The following INTS2 variants were observed in gnomAD, a reference collection of about 807,000 sequenced individuals.
INTS2 encodes the protein integrator complex subunit 2.
A neutral mutation model predicts 139.6 loss-of-function variants in INTS2; 57 were observed. The observed-to-expected ratio is 0.41, with a 90% CI of 0.33 to 0.51. The LOEUF (loss-of-function observed/expected upper bound fraction) is 0.51. Among genes scored for constraint, INTS2 ranks in the 20% least tolerant of loss-of-function variants. INTS2 has a pLI of 0.28. For missense variants in INTS2, 1,196 were observed against 1,436.7 expected, an observed-to-expected ratio of 0.83 and a Z score of 2.71; for synonymous variants, 473 against 493.4, an observed-to-expected ratio of 0.96 and a Z score of 0.55.
rs968086780 is a variant in INTS2, at chr17:61,866,639, T to C, written c.*918A>G. ...TCAAAGATCTTCTCAAAGTAAGATA[T>C]GAATTATAATCCTGATGACAAACCA... On this transcript the variant is annotated 3_prime_UTR_variant, in exon 25 of 25. Coordinates refer to ENST00000251334, the MANE Select transcript of INTS2 (RefSeq NM_001351695.2). 13 of 152,222 alleles carry C rather than the reference T, an allele frequency of 8.5e-5. No individual in the cohort carries two copies. Among genetic ancestry groups the C allele is most frequent in the Non-Finnish European group, 1.9e-4 (13 of 68,046 alleles). The allele number at this position is 152,222 out of a possible 1,614,324, so 9.4% of individuals were successfully genotyped here.
chr17:61,921,614 ATGTT>A (rs2079642035), intron 4 of INTS2, 107 bp downstream of exon 4: 1 of 486,230 alleles, frequency 2.1e-6, no homozygotes, highest in Non-Finnish European at 3.7e-6. Flanking sequence ...ATCACATAAC[ATGTT>A]TGTTATATGA....
chr17:61,924,356 T>C (rs1443865299), intron 3 of INTS2, among the ~76,000 whole-genome samples: 1 of 152,142 alleles, frequency 6.6e-6, no homozygotes, highest in Admixed American at 6.5e-5. Flanking sequence ...ATAAATCCCT[T>C]TCTAAATGTC....
chr17:61,902,645 G>A (rs549133534), intron 9 of INTS2, among the ~76,000 whole-genome samples: 5 of 152,020 alleles, frequency 3.3e-5, no homozygotes, highest in Non-Finnish European at 5.9e-5. Flanking sequence ...AGACTGAGGT[G>A]GGAGGACTGT....
At chr17:61,904,345 G>T in intron 9 of INTS2, 115 bp downstream of exon 9, 3 of 709,638 alleles carry the variant, frequency 4.2e-6, no homozygotes, top group Non-Finnish European at 6.9e-6. Flanking sequence ...ACAAAACTAC[G>T]ACTGTCCATA....
intron 14 of INTS2, 141 bp downstream of exon 14, chr17:61,891,372 A>G (rs1431609477): frequency 1.5e-6 from 1 of 670,488 alleles, no homozygotes; most frequent in African/African-American, 1.8e-5. Context: ...TTTAATTTTT[A>G]GAGGTGATCT....
intron 14 of INTS2, among the ~76,000 whole-genome samples, chr17:61,891,188 G>C (rs940368868): frequency 6.6e-6 from 1 of 151,586 alleles, no homozygotes; most frequent in East Asian, 1.9e-4. Flanking sequence ...CTAGCTACTC[G>C]AGAGACTGAG....
intron 9 of INTS2, among the ~76,000 whole-genome samples, chr17:61,902,933 G>A (rs2079422405): frequency 6.6e-6 from 1 of 150,452 alleles, no homozygotes; most frequent in Non-Finnish European, 1.5e-5. Flanking sequence ...TTGGGAGGCC[G>A]AGGCGGGTGG....
At chr17:61,908,100 T>C (rs2079484821) in intron 7 of INTS2, among the ~76,000 whole-genome samples, 2 of 152,168 alleles carry the variant, frequency 1.3e-5, no homozygotes, top group South Asian at 4.1e-4. Flanking sequence ...ATTTACCTTA[T>C]AGAACTCCTA....
intron 17 of INTS2, among the ~76,000 whole-genome samples, 180 bp from the exon 18 acceptor site, chr17:61,878,268 TA>T (rs2145908542): frequency 6.6e-6 from 1 of 152,182 alleles, no homozygotes; most frequent in South Asian, 2.1e-4. Context: ...CTAAACTTAT[TA>T]AAATAAGGGC....
intron 4 of INTS2, chr17:61,921,086 A>G (rs1353967505): frequency 6.6e-6 from 1 of 152,102 alleles, no homozygotes; most frequent in Non-Finnish European, 1.5e-5. Flanking sequence ...CCTTCTTTAC[A>G]TTTTTCTGTC....
Position 61,893,709 on chromosome 17 carries a change from A to T in INTS2, c.1698+56T>A. 7.7e-7 allele frequency: 1 copy of T among 1,298,670 alleles called. No individual in the cohort carries two copies. The highest frequency in any genetic ancestry group is 1.0e-6 in the Non-Finnish European group (1 of 992,262). 80.4% of individuals were successfully genotyped at this position (1,298,670 alleles called of 1,614,324 possible). A position where few individuals can be genotyped will look rare whatever the true frequency, so the allele number is the denominator to read the frequency against. ...GACTCCATCTCAAAAGAAAAAAAAT[A>T]TATATATAAAAATGTAGGGGCATGC... On this transcript the variant is annotated intron_variant, in intron 13 of 24. Transcript: ENST00000251334. This position sits in a 1 kb window ranked among gnomAD's most constrained non-coding sequence, Gnocchi z 5.4.
Position 61,891,543 on chromosome 17 carries a change from C to T in INTS2, c.1845G>A (p.Glu615=), listed in dbSNP as rs760956576. Residue 615 remains glutamate, a synonymous_variant, in exon 14 of 25, where the codon GAG becomes GAA. Coordinates refer to ENST00000251334, the MANE Select transcript of INTS2 (RefSeq NM_001351695.2). ...EATNQPVTEQ[E]ILNIFQGVIG... is the part of the protein sequence containing the mutation. Reference sequence around the variant, plus strand: ...TGACTCCTTGGAAAATATTGAGTATCTCCTGTTCTGTGACTGGCTGATTTG... The same window carrying T: ...TGACTCCTTGGAAAATATTGAGTATTTCCTGTTCTGTGACTGGCTGATTTG... 3.7e-6 allele frequency: 6 copies of T among 1,613,614 alleles called. No individual in the cohort carries two copies. Among genetic ancestry groups the T allele is most frequent in the Admixed American group, 3.3e-5 (2 of 59,986 alleles).
At chr17:61,923,644 T>C (rs2079675636) in intron 3 of INTS2, among the ~76,000 whole-genome samples, 1 of 152,102 alleles carries the variant, frequency 6.6e-6, no homozygotes, top group Non-Finnish European at 1.5e-5. Context: ...TAACAGTAAA[T>C]AAACATAAAG....
intron 2 of INTS2, 53 bp from the exon 3 acceptor site, chr17:61,925,152 T>A: frequency 6.7e-7 from 1 of 1,496,726 alleles, no homozygotes; most frequent in Non-Finnish European, 9.3e-7. Flanking sequence ...ATGGAAATAA[T>A]TGCATAAAAA....
rs1001633672 is a variant in INTS2, at chr17:61,893,368, T to C, written c.1698+397A>G. On this transcript the variant is annotated intron_variant, in intron 13 of 24. Transcript: ENST00000251334. This position sits in a 1 kb window ranked among gnomAD's most constrained non-coding sequence, Gnocchi z 5.4. Reference sequence around the variant, plus strand: ...AAATGCCTACAAACTGAAATACAACTGGGGAGAAAGCATTAATTTAGGTTG... The same window carrying C: ...AAATGCCTACAAACTGAAATACAACCGGGGAGAAAGCATTAATTTAGGTTG... 1.3e-5 allele frequency among the ~76,000 whole-genome samples: 2 copies of C among 151,924 alleles called. No homozygotes were observed. Among genetic ancestry groups the C allele is most frequent in the African/African-American group, 4.8e-5 (2 of 41,360 alleles).
chr17:61,877,857 C>G (rs1483956155), intron 18 of INTS2, 30 bp downstream of exon 18: 1 of 1,533,406 alleles, frequency 6.5e-7, no homozygotes, highest in East Asian at 2.3e-5. Context: ...ATATAATTAT[C>G]TATTACATGT....
intron 5 of INTS2, among the ~76,000 whole-genome samples, chr17:61,915,511 G>A (rs2079572089): frequency 6.8e-6 from 1 of 147,670 alleles, no homozygotes; most frequent in South Asian, 2.1e-4. Flanking sequence ...GTGAAACAGA[G>A]TGAAACTCTG....
intron 17 of INTS2, among the ~76,000 whole-genome samples, 182 bp downstream of exon 17, chr17:61,880,825 G>A (rs564826164): frequency 2.0e-4 from 29 of 146,552 alleles, no homozygotes; most frequent in African/African-American, 7.3e-4. Flanking sequence ...AAGGAGGAAA[G>A]GGGGGAGGGG....
At position 61,897,646 on chromosome 17, in the gene INTS2, T is replaced by C. The variant is rs1273880063; in HGVS notation, c.1379+22A>G. On this transcript the variant is annotated intron_variant, in intron 10 of 24. Coordinates refer to ENST00000251334, the MANE Select transcript of INTS2 (RefSeq NM_001351695.2). This position sits in a 1 kb window ranked among gnomAD's most constrained non-coding sequence, Gnocchi z 4.4. Reference sequence around the variant, plus strand: ...AGAGAAGAAGAAAAGCTTTCTCAACTAACTAAATCAAATTATCTTACCTCT... The same window carrying C: ...AGAGAAGAAGAAAAGCTTTCTCAACCAACTAAATCAAATTATCTTACCTCT... 3.8e-6 allele frequency: 6 copies of C among 1,590,762 alleles called. No homozygotes were observed. Among genetic ancestry groups the C allele is most frequent in the South Asian group, 3.4e-5 (3 of 87,714 alleles).
Sources: gnomAD v4.1 joint callset for allele counts (sites outside exome capture counted in the v4.1 genomes callset) on GRCh38, gnomAD v4.1.1 for gene constraint, Gnocchi (gnomAD v3.1) non-coding constraint, MANE v1.5 for transcripts, NCBI Gene and HGNC (gene_info 2026-07-23, HGNC 2026-07-21) for gene names.